The following KCNJ15 variants were observed in gnomAD, a reference collection of about 807,000 sequenced individuals.
KCNJ15 encodes ATP-sensitive inward rectifier potassium channel 15.
KCNJ15 carries 14 observed loss-of-function variants against 23.0 expected under a neutral mutation model. The ratio of observed to expected loss-of-function variants is 0.61; its 90% confidence interval spans 0.40 to 0.95. KCNJ15 has a LOEUF of 0.95. Ranked by LOEUF, KCNJ15 falls within the 40% of genes least tolerant of loss-of-function variation. The pLI is 0.00. For missense variants in KCNJ15, 388 were observed against 461.8 expected, an observed-to-expected ratio of 0.84 and a Z score of 1.46; for synonymous variants, 185 against 183.2, an observed-to-expected ratio of 1.01 and a Z score of -0.08.
intron 1 of KCNJ15, among the ~76,000 whole-genome samples, chr21:38,273,721 G>C (rs118098727): frequency 2.0e-3 from 302 of 152,292 alleles, no homozygotes; most frequent in Non-Finnish European, 3.4e-3. Context: ...CTGCATTTTT[G>C]AACATCAATA....
intron 1 of KCNJ15, among the ~76,000 whole-genome samples, chr21:38,231,917 G>A (rs533980568): frequency 1.3e-5 from 2 of 151,822 alleles, no homozygotes; most frequent in South Asian, 4.2e-4. Flanking sequence ...ATAGATGTAG[G>A]TCTGGTTTTC....
chr21:38,260,352 AG>A (rs1980753261), intron 1 of KCNJ15, among the ~76,000 whole-genome samples: 2 of 152,216 alleles, frequency 1.3e-5, no homozygotes, highest in African/African-American at 4.8e-5. Context: ...TCACATGCCC[AG>A]GGAGAATTTC....
At chr21:38,258,502 C>A (rs757575037) in intron 1 of KCNJ15, among the ~76,000 whole-genome samples, 46 of 152,302 alleles carry the variant, frequency 3.0e-4, no homozygotes, top group Non-Finnish European at 3.4e-4. Flanking sequence ...AAGTGACCAT[C>A]CAGGGAATGG....
At chr21:38,275,734 G>A (rs7283929) in intron 1 of KCNJ15, among the ~76,000 whole-genome samples, 118,837 of 152,020 alleles carry the variant, frequency 0.78, 46,645 homozygotes, top group African/African-American at 0.84. Context: ...ATGGTTGAAA[G>A]TCGCTGATAA....
intron 1 of KCNJ15, among the ~76,000 whole-genome samples, chr21:38,290,044 T>G (rs1310888762): frequency 6.6e-6 from 1 of 152,218 alleles, no homozygotes; most frequent in South Asian, 2.1e-4. Context: ...CGGAGGTTGG[T>G]CACTCGTAAC....
intron 1 of KCNJ15, among the ~76,000 whole-genome samples, chr21:38,293,648 T>C (rs888212151): frequency 1.3e-5 from 2 of 152,236 alleles, no homozygotes; most frequent in Non-Finnish European, 2.9e-5. Flanking sequence ...ATAATTCCCC[T>C]GGAGGAGAAT....
intron 1 of KCNJ15, chr21:38,272,684 G>C (rs781160452): frequency 1.3e-5 from 2 of 152,114 alleles, no homozygotes; most frequent in Non-Finnish European, 2.9e-5. Flanking sequence ...TTAACCTCAG[G>C]CATGACTTTT....
chr21:38,272,739 T>C (rs115578297), intron 1 of KCNJ15, among the ~76,000 whole-genome samples: 2 of 152,332 alleles, frequency 1.3e-5, no homozygotes, highest in African/African-American at 4.8e-5. Context: ...TAAATCTTAC[T>C]GATCTGAAGA....
upstream of KCNJ15, among the ~76,000 whole-genome samples, chr21:38,256,432 G>A (rs1003367662): frequency 2.6e-4 from 39 of 147,998 alleles, no homozygotes; most frequent in African/African-American, 1.3e-4. Context: ...CAATAAAGGG[G>A]TTGAGCTAAA....
chr21:38,285,874 C>T (rs1412056275), intron 1 of KCNJ15, among the ~76,000 whole-genome samples: 1 of 152,166 alleles, frequency 6.6e-6, no homozygotes, highest in Non-Finnish European at 1.5e-5. Context: ...TAAGCTTTGT[C>T]TTTCCTGGTA....
At position 38,305,492 on chromosome 21, in the gene KCNJ15, G is replaced by A. The variant is rs761364801; in HGVS notation, c.*5103G>A. The A allele has an allele frequency of 9.2e-5, 14 of 152,180 alleles. No homozygotes were observed. Among genetic ancestry groups the A allele is most frequent in the African/African-American group, 3.1e-4 (13 of 41,424 alleles). 9.4% of individuals were successfully genotyped at this position (152,180 alleles called of 1,614,324 possible). A position where few individuals can be genotyped will look rare whatever the true frequency, so the allele number is the denominator to read the frequency against. On this transcript the variant is annotated 3_prime_UTR_variant, in exon 3 of 3. Coordinates refer to ENST00000398938, the MANE Select transcript of KCNJ15 (RefSeq NM_170736.3). ...AAGTCAAAGGACAGAACTGATACAC[G>A]AGTATAAAAGCCAACGATGTCATAT...
Position 38,302,468 on chromosome 21 carries a change from T to G in KCNJ15, c.*2079T>G, listed in dbSNP as rs1027837368. ...TGAACGAGAGGGAGGATGTTGTCTTTAATTATTTAGAAGGTTTTTTTTTCC... is the reference window on the plus strand; with the variant it reads ...TGAACGAGAGGGAGGATGTTGTCTTGAATTATTTAGAAGGTTTTTTTTTCC... On this transcript the variant is annotated 3_prime_UTR_variant, in exon 3 of 3. Coordinates refer to ENST00000398938, the MANE Select transcript of KCNJ15 (RefSeq NM_170736.3). 2 of 152,238 alleles carry G rather than the reference T, an allele frequency of 1.3e-5. No homozygotes were observed. The highest frequency in any genetic ancestry group is 2.9e-5 in the Non-Finnish European group (2 of 68,040). 9.4% of individuals were successfully genotyped at this position (152,238 alleles called of 1,614,324 possible). A position where few individuals can be genotyped will look rare whatever the true frequency, so the allele number is the denominator to read the frequency against.
In KCNJ15 at chr21:38,263,645, G is replaced by A. The variant is rs749922776; in HGVS notation, c.-117+6460G>A. On this transcript the variant is annotated intron_variant, in intron 1 of 2. Transcript: ENST00000398938. ...TGACTAACGTTTCACACAACCCCACGGGGGATGCTTTGGCCAACTGTGATG... is the reference window on the plus strand; with the variant it reads ...TGACTAACGTTTCACACAACCCCACAGGGGATGCTTTGGCCAACTGTGATG... 2.6e-5 allele frequency among the ~76,000 whole-genome samples: 4 copies of A among 152,114 alleles called. 1 individual carries two copies. Among genetic ancestry groups the A allele is most frequent in the Non-Finnish European group, 2.9e-5 (2 of 68,022 alleles).
chr21:38,286,614 G>A (rs1172479225), intron 1 of KCNJ15, among the ~76,000 whole-genome samples: 1 of 152,206 alleles, frequency 6.6e-6, no homozygotes, highest in African/African-American at 2.4e-5. Context: ...AAGAGATTGT[G>A]TACGAGGGGA....
At chr21:38,290,062 AG>A (rs1984425273) in intron 1 of KCNJ15, among the ~76,000 whole-genome samples, 1 of 152,224 alleles carries the variant, frequency 6.6e-6, no homozygotes, top group Non-Finnish European at 1.5e-5. Context: ...AACAACAGAC[AG>A]ATGTGTAATG....
Position 38,288,028 on chromosome 21 carries a change from T to TTTTTTC in KCNJ15, c.-116-8897_-116-8896insTTTTCT, listed in dbSNP as rs1569010980. ...ATTGTTAAATAACTTGTTTTTTTCT[T>TTTTTTC]TGTTTTTTTTTTTTTTTTTTTTTTT... On this transcript the variant is annotated intron_variant, in intron 1 of 2. Transcript: ENST00000398938. 8.8e-5 allele frequency among the ~76,000 whole-genome samples: 7 copies of TTTTTTC among 79,358 alleles called. 1 individual carries two copies. Among genetic ancestry groups the TTTTTTC allele is most frequent in the African/African-American group, 2.1e-4 (5 of 23,410 alleles). 52.1% of individuals were successfully genotyped at this position (79,358 alleles called of 152,430 possible).
chr21:38,231,153 A>G (rs1465141661), intron 1 of KCNJ15, among the ~76,000 whole-genome samples: 1 of 151,986 alleles, frequency 6.6e-6, no homozygotes, highest in Non-Finnish European at 1.5e-5. Context: ...ATTCACTGTG[A>G]AAGTCTTATA....
At chr21:38,296,295 AG>A (rs1985149887) in intron 1 of KCNJ15, among the ~76,000 whole-genome samples, 2 of 18,038 alleles carry the variant, frequency 1.1e-4, no homozygotes, top group African/African-American at 2.3e-4. Context: ...GATAGATAAT[AG>A]ATAGGCAGAT....
intron 1 of KCNJ15, among the ~76,000 whole-genome samples, chr21:38,265,315 C>T (rs1981347067): frequency 6.6e-6 from 1 of 152,174 alleles, no homozygotes; most frequent in African/African-American, 2.4e-5. Context: ...TGGGAGCAGC[C>T]TATGCCAGTA....
Sources: gnomAD v4.1 joint callset for allele counts (sites outside exome capture counted in the v4.1 genomes callset) on GRCh38, gnomAD v4.1.1 for gene constraint, MANE v1.5 for transcripts, NCBI Gene and HGNC (gene_info 2026-07-23, HGNC 2026-07-21) for gene names.